The following OTX1 variants were observed in gnomAD, a reference collection of about 807,000 sequenced individuals.
The protein encoded by OTX1 is orthodenticle homeobox 1, also known as homeobox protein OTX1.
A neutral mutation model predicts 26.7 loss-of-function variants in OTX1; 7 were observed. That is an observed-to-expected ratio of 0.26 (90% confidence interval 0.15 to 0.49). OTX1 has a LOEUF of 0.49. Ranked by LOEUF, OTX1 falls within the 20% of genes least tolerant of loss-of-function variation. OTX1 has a pLI of 0.98. For missense variants in OTX1, 414 were observed against 483.8 expected (o/e 0.86, Z 1.35); for synonymous variants, 216 against 212.8 (o/e 1.01, Z -0.13).
In OTX1 at chr2:63,055,517, G is replaced by A. The variant is rs916312836; in HGVS notation, c.266G>A (p.Arg89His). Reference protein sequence around the residue: ...ESRVQVWFKNRRAKCRQQQQS... With the variant: ...ESRVQVWFKNHRAKCRQQQQS... ...CCACTGCAGGTCTGGTTCAAGAACCGCCGCGCCAAATGCCGCCAGCAGCAG... is the reference window on the plus strand; with the variant it reads ...CCACTGCAGGTCTGGTTCAAGAACCACCGCGCCAAATGCCGCCAGCAGCAG... Residue 89 changes from arginine to histidine, a missense_variant, in exon 5 of 5, where the codon CGC (arginine) becomes CAC (histidine). Coordinates refer to ENST00000282549, the MANE Select transcript of OTX1 (RefSeq NM_014562.4). This position sits in a 1 kb window ranked among gnomAD's most constrained non-coding sequence, Gnocchi z 5.2. The A allele has an allele frequency of 6.8e-6, 11 of 1,613,556 alleles. No homozygotes were observed. The highest frequency in any genetic ancestry group is 1.3e-5 in the African/African-American group (1 of 74,948).
upstream of OTX1, among the ~76,000 whole-genome samples, chr2:63,049,876 G>A (rs2062010365): frequency 6.6e-6 from 1 of 152,212 alleles, no homozygotes; most frequent in Non-Finnish European, 1.5e-5. The surrounding 1 kb of genome is among the most constrained non-coding windows in gnomAD (Gnocchi z 4.8). Context: ...CGGGGAAATC[G>A]CCTCAAGGAG....
chr2:63,050,511 G>A (rs1417639774), upstream of OTX1, among the ~76,000 whole-genome samples: 2 of 152,200 alleles, frequency 1.3e-5, no homozygotes, highest in Non-Finnish European at 2.9e-5. Flanking sequence ...AAGGGCGGGG[G>A]CGCCCAGGGC....
chr2:63,053,149 T>C (rs1452707343), intron 3 of OTX1, 62 bp downstream of exon 3: 2 of 1,102,474 alleles, frequency 1.8e-6, no homozygotes, highest in Non-Finnish European at 2.6e-6. Context: ...CCCAGACTGT[T>C]GGATTTGAGT....
Position 63,057,587 on chromosome 2 carries a change from CTCTT to C in OTX1, c.*1274_*1277del, listed in dbSNP as rs1212722432. ...AGTTCCAACTCCTCTGTCGGCTTCTCTCTTTCAACACCCTTGTTTTGTCTAGTGA... is the reference window on the plus strand; with the variant it reads ...AGTTCCAACTCCTCTGTCGGCTTCTCTCAACACCCTTGTTTTGTCTAGTGA... On this transcript the variant is annotated 3_prime_UTR_variant, in exon 5 of 5. Transcript: ENST00000282549. The C allele has an allele frequency of 7.9e-5, 12 of 152,392 alleles. No homozygotes were observed. Among genetic ancestry groups the C allele is most frequent in the African/African-American group, 2.9e-4 (12 of 41,582 alleles). 9.4% of individuals were successfully genotyped at this position (152,392 alleles called of 1,614,324 possible). A position where few individuals can be genotyped will look rare whatever the true frequency, so the allele number is the denominator to read the frequency against.
rs759397829 is a variant in OTX1, at chr2:63,054,042, C to T, written c.98-5C>T. 6.2e-7 allele frequency: 1 copy of T among 1,608,344 alleles called. No individual in the cohort carries two copies. The highest frequency in any genetic ancestry group is 8.5e-7 in the Non-Finnish European group (1 of 1,177,390). On this transcript the variant is annotated splice_region_variant and splice_polypyrimidine_tract_variant and intron_variant, in intron 3 of 4. Coordinates refer to ENST00000282549, the MANE Select transcript of OTX1 (RefSeq NM_014562.4). ...GACCCGCGGCGCCCCCGCGTGTCCC[C>T]GCAGCCACTCCGCGGAAGCAGCGGC...
chr2:63,053,043 C>T lies in OTX1; in HGVS notation c.53C>T (p.Ala18Val). The change falls in exon 3 of 5, where the codon GCC (alanine) becomes GTC (valine). Residue 18 changes from alanine to valine, a missense_variant. Coordinates refer to ENST00000282549, the MANE Select transcript of OTX1 (RefSeq NM_014562.4). The part of the protein sequence containing the change: ...PPYGMNGLGL[A>V]GPAMDLLHPS... ...TACGGCATGAACGGGCTGGGCCTGG[C>T]CGGGCCCGCCATGGACCTCCTGCAC... The T allele has an allele frequency of 1.2e-6, 2 of 1,604,908 alleles. No homozygotes were observed.
upstream of OTX1, chr2:63,050,676 G>A (rs2062018853): frequency 6.6e-6 from 1 of 151,008 alleles, no homozygotes; most frequent in African/African-American, 2.4e-5. Flanking sequence ...TGTGGGGGGC[G>A]GGGGAGGGCG....
chr2:63,056,460 A>G lies in OTX1; in HGVS notation c.*144A>G, dbSNP rs2062068911. 1 of 745,660 alleles carries G rather than the reference A, an allele frequency of 1.3e-6. No homozygotes were observed. Among genetic ancestry groups the G allele is most frequent in the Admixed American group, 2.9e-5 (1 of 34,622 alleles). The allele number at this position is 745,660 out of a possible 1,614,324, so 46.2% of individuals were successfully genotyped here. On this transcript the variant is annotated 3_prime_UTR_variant, in exon 5 of 5. Transcript: ENST00000282549. ...CCCCAAAAAGATGTCCATTGCCTGCACTGCCGCCCCCATTTTTGTGCCACT... is the reference window on the plus strand; with the variant it reads ...CCCCAAAAAGATGTCCATTGCCTGCGCTGCCGCCCCCATTTTTGTGCCACT...
Position 63,056,475 on chromosome 2 carries a change from T to C in OTX1, c.*159T>C. ...CATTGCCTGCACTGCCGCCCCCATT[T>C]TTGTGCCACTTGCTTGGGGGGATGT... On this transcript the variant is annotated 3_prime_UTR_variant, in exon 5 of 5. Coordinates refer to ENST00000282549, the MANE Select transcript of OTX1 (RefSeq NM_014562.4). 1.4e-6 allele frequency: 1 copy of C among 694,398 alleles called. No individual in the cohort carries two copies. Among genetic ancestry groups the C allele is most frequent in the Non-Finnish European group, 2.4e-6 (1 of 422,230 alleles). 43.0% of individuals were successfully genotyped at this position (694,398 alleles called of 1,614,324 possible).
chr2:63,052,064 A>C (rs1039700631), intron 2 of OTX1: 1 of 152,328 alleles, frequency 6.6e-6, no homozygotes, highest in Non-Finnish European at 1.5e-5. Context: ...GTGCTAGGCC[A>C]GTCACCCTTC....
chr2:63,052,890 C>T lies in OTX1; in HGVS notation c.-101C>T, dbSNP rs2062035780. On this transcript the variant is annotated 5_prime_UTR_variant, in exon 3 of 5. Transcript: ENST00000282549. The stretch of plus-strand genomic sequence containing the variant: ...CTCGTGTCTTCATAGGCCAGGCCCC[C>T]AGACGCATCAGACCCTGAAGGACTG... 1.4e-6 allele frequency: 1 copy of T among 726,948 alleles called. No homozygotes were observed. Among genetic ancestry groups the T allele is most frequent in the South Asian group, 1.6e-5 (1 of 61,262 alleles). The allele number at this position is 726,948 out of a possible 1,614,324, so 45.0% of individuals were successfully genotyped here.
At chr2:63,050,401 C>G (rs2062016063), upstream of OTX1, among the ~76,000 whole-genome samples, 1 of 152,160 alleles carries the variant, frequency 6.6e-6, no homozygotes, top group Non-Finnish European at 1.5e-5. Flanking sequence ...CGCCCACACC[C>G]GAGCGGCTGA....
At position 63,055,447 on chromosome 2, in the gene OTX1, A is replaced by C; in HGVS notation, c.250-54A>C. On this transcript the variant is annotated intron_variant, in intron 4 of 4. Transcript: ENST00000282549. The surrounding 1 kb of genome is among the most constrained non-coding windows in gnomAD (Gnocchi z 5.2). ...AGTTGGGTCCGCGGGGCGGTGGAGCAACAAGCTCCCCTAGCTCCCTTTGAC... is the reference window on the plus strand; with the variant it reads ...AGTTGGGTCCGCGGGGCGGTGGAGCCACAAGCTCCCCTAGCTCCCTTTGAC... 7 of 1,533,956 alleles carry C rather than the reference A, an allele frequency of 4.6e-6. No individual in the cohort carries two copies. The South Asian group carries it at 8.5e-5, about 19-fold the overall frequency.
chr2:63,049,862 A>T (rs1242790824), upstream of OTX1, among the ~76,000 whole-genome samples: 1 of 152,200 alleles, frequency 6.6e-6, no homozygotes, highest in Non-Finnish European at 1.5e-5. The surrounding 1 kb of genome is among the most constrained non-coding windows in gnomAD (Gnocchi z 4.8). Flanking sequence ...CCGTACGAAC[A>T]ATCCGGGGAA....
rs373207054 is a variant in OTX1 at position 63,056,007 on chromosome 2, A to G, written c.756A>G (p.Leu252=). 6.2e-7 allele frequency: 1 copy of G among 1,613,594 alleles called. No homozygotes were observed. The highest frequency in any genetic ancestry group is 8.5e-7 in the Non-Finnish European group (1 of 1,179,958). Residue 252 remains leucine (L), a synonymous_variant, in exon 5 of 5, where the codon CTA becomes CTG. Transcript: ENST00000282549. ...YFGGVDCSSY[L]APMHSHHHPH... ...GCGGCGTGGACTGCAGCTCATACCTAGCGCCCATGCACTCACATCACCACC... is the reference window on the plus strand; with the variant it reads ...GCGGCGTGGACTGCAGCTCATACCTGGCGCCCATGCACTCACATCACCACC...
At chr2:63,050,524 G>T (rs762660734), upstream of OTX1, among the ~76,000 whole-genome samples, 95 of 152,110 alleles carry the variant, frequency 6.2e-4, no homozygotes, top group Non-Finnish European at 1.1e-3. Context: ...CCCAGGGCAG[G>T]CCTGGAGACC....
chr2:63,055,716 G>A lies in OTX1; in HGVS notation c.465G>A (p.Ala155=), dbSNP rs1375737394. ...SSANPAAAAA[A]GLGGNPVAAA... ...CCAACCCAGCGGCTGCAGCGGCTGCGGGACTAGGTGGGAACCCGGTGGCGG... is the reference window on the plus strand; with the variant it reads ...CCAACCCAGCGGCTGCAGCGGCTGCAGGACTAGGTGGGAACCCGGTGGCGG... Residue 155 remains alanine (A), a synonymous_variant, in exon 5 of 5, where the codon GCG becomes GCA. Transcript: ENST00000282549. The surrounding 1 kb of genome is among the most constrained non-coding windows in gnomAD (Gnocchi z 5.2). 6.2e-7 allele frequency: 1 copy of A among 1,613,160 alleles called. No individual in the cohort carries two copies. Among genetic ancestry groups the A allele is most frequent in the Non-Finnish European group, 8.5e-7 (1 of 1,179,804 alleles).
intron 2 of OTX1, chr2:63,051,998 A>C (rs2062030034): frequency 6.6e-6 from 1 of 152,480 alleles, no homozygotes; most frequent in Non-Finnish European, 1.5e-5. Context: ...AGCTACAAGG[A>C]TGGCAGCACG....
At position 63,053,054 on chromosome 2, in the gene OTX1, A is replaced by T. The variant is rs780097298; in HGVS notation, c.64A>T (p.Met22Leu). The T allele has an allele frequency of 6.2e-7, 1 of 1,603,374 alleles. No individual in the cohort carries two copies. Among genetic ancestry groups the T allele is most frequent in the Non-Finnish European group, 8.5e-7 (1 of 1,175,970 alleles). Residue 22 changes from methionine (M) to leucine (L), a missense_variant, in exon 3 of 5, where the codon ATG becomes TTG. This residue lies in a region of OTX1 where 48 missense variants were observed against 41.6 expected (regional missense o/e 1.15). Transcript: ENST00000282549. Reference sequence around the variant, plus strand: ...CGGGCTGGGCCTGGCCGGGCCCGCCATGGACCTCCTGCACCCATCCGTGGG... The same window carrying T: ...CGGGCTGGGCCTGGCCGGGCCCGCCTTGGACCTCCTGCACCCATCCGTGGG... ...MNGLGLAGPA[M>L]DLLHPSVGYP...
Sources: allele counts gnomAD v4.1 joint callset (sites outside exome capture counted in the v4.1 genomes callset), GRCh38; gene constraint gnomAD v4.1.1; regional missense constraint gnomAD v4.1.1; non-coding constraint Gnocchi (gnomAD v3.1); transcripts MANE v1.5; gene names NCBI Gene and HGNC (gene_info 2026-07-23, HGNC 2026-07-21).